PALB2: variants seen among roughly 807,000 people sequenced by gnomAD.
PALB2 encodes the protein partner and localizer of BRCA2.
Under a neutral mutation model 107.4 loss-of-function variants are expected in PALB2, and 82 were observed. The observed-to-expected ratio is 0.76, with a 90% CI of 0.64 to 0.92. The LOEUF is 0.92. Ranked by LOEUF, PALB2 falls within the 40% of genes least tolerant of loss-of-function variation. PALB2 has a pLI of 0.00. For synonymous variants in PALB2, 489 were observed against 496.8 expected (o/e 0.98, Z 0.21); for missense variants, 1,374 against 1,379.9 (o/e 1.00, Z 0.07).
rs565189661 is a variant in PALB2, at chr16:23,610,801, C to T, written c.3202-2789G>A. Among the ~76,000 whole-genome samples, 239 of 151,688 alleles carry T rather than the reference C, an allele frequency of 1.6e-3. 1 individual carries two copies. The Middle Eastern group carries it at 0.017, about 11-fold the overall frequency. On this transcript the variant is annotated intron_variant, in intron 11 of 12. Coordinates refer to ENST00000261584, the MANE Select transcript of PALB2 (RefSeq NM_024675.4). ...GCCTGTAATCCCAGCATTTTGGGAG[C>T]GTGAGGCGGGTGGATCACAAAGTCA...
chr16:23,630,904 G>C (rs1039920900), intron 4 of PALB2, among the ~76,000 whole-genome samples: 4 of 151,772 alleles, frequency 2.6e-5, no homozygotes, highest in African/African-American at 9.7e-5. Context: ...GAGCCCAGGA[G>C]TTCCAGACCA....
At position 23,629,557 on chromosome 16, in the gene PALB2, A is replaced by T. The variant is rs1359117888; in HGVS notation, c.2514+83T>A. Reference sequence around the variant, plus strand: ...ACCATTCTTAAACGTGGAAGGCCCAATGCGCAAGCAAGTCATGCTGTTTAC... The same window carrying T: ...ACCATTCTTAAACGTGGAAGGCCCATTGCGCAAGCAAGTCATGCTGTTTAC... On this transcript the variant is annotated intron_variant, in intron 5 of 12. Transcript: ENST00000261584. The T allele has an allele frequency of 3.8e-6, 5 of 1,331,208 alleles. No homozygotes were observed. In the East Asian group the frequency reaches 1.1e-4, roughly 31 times the overall value. The allele number at this position is 1,331,208 out of a possible 1,614,324, so 82.5% of individuals were successfully genotyped here.
At position 23,636,141 on chromosome 16, in the gene PALB2, A is replaced by G. The variant is rs786201586; in HGVS notation, c.405T>C (p.Pro135=). The change falls in exon 4 of 13, where the codon CCT becomes CCC. Residue 135 remains proline (P), a synonymous_variant. Coordinates refer to ENST00000261584, the MANE Select transcript of PALB2 (RefSeq NM_024675.4). The part of the protein sequence containing the change: ...QEHFPHRVSD[P]SGEQKQKLPS... ...GCAGCTTCTGCTTTTGCTCACCACT[A>G]GGGTCACTGACCCTGTGGGGAAAAT... The G allele has an allele frequency of 6.8e-6, 11 of 1,612,970 alleles. No individual in the cohort carries two copies. The highest frequency in any genetic ancestry group is 5.0e-5 in the Admixed American group (3 of 59,808).
intron 10 of PALB2, 39 bp downstream of exon 10, chr16:23,621,323 T>C (rs897443609): frequency 7.8e-7 from 1 of 1,278,216 alleles, no homozygotes; most frequent in African/African-American, 1.5e-5. Context: ...ATCCTCATAC[T>C]ACAGATGAGG....
At chr16:23,638,246 A>G in intron 1 of PALB2, 117 bp from the exon 2 acceptor site, 2 of 808,548 alleles carry the variant, frequency 2.5e-6, no homozygotes, top group South Asian at 1.4e-5. Context: ...CTGGTCCATA[A>G]CAATCTACTT....
intron 11 of PALB2, among the ~76,000 whole-genome samples, chr16:23,609,829 T>G (rs968636640): frequency 3.9e-5 from 6 of 152,086 alleles, no homozygotes; most frequent in Admixed American, 1.3e-4. Context: ...CAACACTTTT[T>G]TTGGGGGGAT....
intron 9 of PALB2, 124 bp from the exon 10 acceptor site, chr16:23,621,602 C>G: frequency 1.5e-6 from 1 of 689,376 alleles, no homozygotes; most frequent in Non-Finnish European, 2.6e-6. Context: ...AAATCTAACC[C>G]AGAAAACGTG....
chr16:23,630,764 C>T (rs546673326), intron 4 of PALB2, among the ~76,000 whole-genome samples: 10 of 152,152 alleles, frequency 6.6e-5, no homozygotes, highest in African/African-American at 1.9e-4. Context: ...GTTCAAACAA[C>T]GGTCATGAGT....
intron 9 of PALB2, 99 bp downstream of exon 9, chr16:23,622,870 G>T: frequency 7.3e-7 from 1 of 1,367,340 alleles, no homozygotes; most frequent in Non-Finnish European, 1.0e-6. Flanking sequence ...TACACCCCCA[G>T]CACAGAAAAA....
chr16:23,624,501 C>T (rs1364373089), intron 7 of PALB2, among the ~76,000 whole-genome samples: 1 of 152,158 alleles, frequency 6.6e-6, no homozygotes, highest in Non-Finnish European at 1.5e-5. Flanking sequence ...AGTATGAAGA[C>T]TCTACAGGAA....
intron 12 of PALB2, 66 bp from the exon 13 acceptor site, chr16:23,603,735 AGGTC>A: frequency 1.3e-5 from 17 of 1,344,010 alleles, no homozygotes; most frequent in East Asian, 2.5e-5. Context: ...AAAAAAAAAA[AGGTC>A]AAAACCATGT....
rs1597099799 is a variant in PALB2, at chr16:23,636,306, G to C, written c.240C>G (p.Asp80Glu). The C allele has an allele frequency of 6.2e-7, 1 of 1,611,310 alleles. No homozygotes were observed. ...SEPKNKICVY[D>E]KLHIKTHLDE... ...CAAGATGGGTTTTGATGTGTAACTT[G>C]TCATAAACACATATTTTATTTTTAG... is the stretch of plus-strand genomic sequence containing the variant. The change falls in exon 4 of 13, where the codon GAC becomes GAG. Residue 80 changes from aspartate (D) to glutamate (E), a missense_variant. Transcript: ENST00000261584.
At chr16:23,615,588 A>T (rs1966671090) in intron 10 of PALB2, among the ~76,000 whole-genome samples, 1 of 152,088 alleles carries the variant, frequency 6.6e-6, no homozygotes, top group Admixed American at 6.5e-5. Flanking sequence ...TACAGGTGTG[A>T]GAGACTGCAC....
intron 11 of PALB2, among the ~76,000 whole-genome samples, chr16:23,610,016 T>C (rs373813842): frequency 6.6e-6 from 1 of 152,172 alleles, no homozygotes; most frequent in East Asian, 1.9e-4. Context: ...ACTAAGAATG[T>C]TTTTCAGATT....
chr16:23,638,894 C>T (rs1378585164), intron 1 of PALB2, among the ~76,000 whole-genome samples: 2 of 152,050 alleles, frequency 1.3e-5, no homozygotes, highest in Non-Finnish European at 2.9e-5. Context: ...GCAGAGGGAA[C>T]CACAAATATA....
At chr16:23,623,861 T>C in intron 8 of PALB2, 148 bp downstream of exon 8, 3 of 664,776 alleles carry the variant, frequency 4.5e-6, no homozygotes, top group Middle Eastern at 2.5e-4. Context: ...GGGATGTCAT[T>C]CTATTGATTT....
intron 10 of PALB2, among the ~76,000 whole-genome samples, chr16:23,619,485 G>A (rs78834969): frequency 0.033 from 5,045 of 151,760 alleles, 117 homozygotes; most frequent in Middle Eastern, 0.084. Flanking sequence ...CACCAGGCCT[G>A]GCTAATTTTT....
chr16:23,621,574 C>A, intron 9 of PALB2, 96 bp from the exon 10 acceptor site: 1 of 763,410 alleles, frequency 1.3e-6, no homozygotes, highest in African/African-American at 1.7e-5. Flanking sequence ...TATAAACTAA[C>A]CTAATATCAG....
At chr16:23,608,517 T>A (rs568387713) in intron 11 of PALB2, among the ~76,000 whole-genome samples, 1 of 152,314 alleles carries the variant, frequency 6.6e-6, no homozygotes, top group East Asian at 1.9e-4. Context: ...AGGACACACA[T>A]GTGCAGGGAG....
Sources: allele counts gnomAD v4.1 joint callset (sites outside exome capture counted in the v4.1 genomes callset), GRCh38; gene constraint gnomAD v4.1.1; transcripts MANE v1.5; gene names NCBI Gene and HGNC (gene_info 2026-07-23, HGNC 2026-07-21).